The following CNR1 variants were observed in gnomAD, a reference collection of about 807,000 sequenced individuals.
CNR1 encodes cannabinoid receptor 1, also known as cannabinoid receptor 1 (brain).
CNR1 carries 10 observed loss-of-function variants against 23.0 expected under a neutral mutation model. The observed-to-expected ratio is 0.43, with a 90% CI of 0.27 to 0.74. The LOEUF (loss-of-function observed/expected upper bound fraction) is 0.74, where lower values mean the gene tolerates loss of function less well. Among genes scored for constraint, CNR1 ranks in the 30% least tolerant of loss-of-function variants. CNR1 has a pLI of 0.19. For synonymous variants in CNR1, 271 were observed against 255.2 expected (o/e 1.06, Z -0.59); for missense variants, 422 against 618.8 (o/e 0.68, Z 3.37).
At chr6:88,161,758 T>C (rs1212401779) in intron 1 of CNR1, among the ~76,000 whole-genome samples, 1 of 152,124 alleles carries the variant, frequency 6.6e-6, no homozygotes, top group Non-Finnish European at 1.5e-5. Context: ...CATCAAACAA[T>C]TTCAAAAGCA....
intron 1 of CNR1, among the ~76,000 whole-genome samples, chr6:88,156,302 C>T (rs1582362853): frequency 6.6e-6 from 1 of 152,110 alleles, no homozygotes; most frequent in South Asian, 2.1e-4. Flanking sequence ...CAGTCTGTGC[C>T]TAGGATTGTG....
chr6:88,152,967 C>T (rs1267143620), intron 1 of CNR1, among the ~76,000 whole-genome samples: 2 of 152,064 alleles, frequency 1.3e-5, no homozygotes, highest in Non-Finnish European at 2.9e-5. Context: ...GTTTTTATTA[C>T]AGTTATAGTA....
Position 88,166,028 on chromosome 6 carries a change from T to G in CNR1, c.-289A>C. The stretch of plus-strand genomic sequence containing the variant: ...GGAAGGGGTGGCAGAGGGAGTAGCG[T>G]GCGGGAGGCGGCGCCGGCGCCGGGC... On this transcript the variant is annotated 5_prime_UTR_variant, in exon 1 of 2. Transcript: ENST00000369501. 1 of 152,526 alleles carries G rather than the reference T, an allele frequency of 6.6e-6. No individual in the cohort carries two copies. The highest frequency in any genetic ancestry group is 1.5e-5 in the Non-Finnish European group (1 of 68,364). 9.4% of individuals were successfully genotyped at this position (152,526 alleles called of 1,614,324 possible). A position where few individuals can be genotyped will look rare whatever the true frequency, so the allele number is the denominator to read the frequency against.
In CNR1 at chr6:88,142,077, G is replaced by A. The variant is rs964196077; in HGVS notation, c.*1779C>T. On this transcript the variant is annotated 3_prime_UTR_variant, in exon 2 of 2. Coordinates refer to ENST00000369501, the MANE Select transcript of CNR1 (RefSeq NM_016083.6). ...CGGGGTGTAAGAAGAAAGCAGCTGT[G>A]TTTATCTTCATGCTTGAGTGTATCT... The A allele has an allele frequency of 1.3e-5, 2 of 152,360 alleles. No homozygotes were observed. Among genetic ancestry groups the A allele is most frequent in the Non-Finnish European group, 2.9e-5 (2 of 68,044 alleles). The allele number at this position is 152,360 out of a possible 1,614,324, so 9.4% of individuals were successfully genotyped here.
intron 1 of CNR1, among the ~76,000 whole-genome samples, chr6:88,154,661 C>T (rs1777704847): frequency 6.6e-6 from 1 of 152,100 alleles, no homozygotes; most frequent in African/African-American, 2.4e-5. Flanking sequence ...TCACTGCAAC[C>T]TCCACCTCCC....
intron 1 of CNR1, chr6:88,147,583 T>G (rs1777274659): frequency 6.6e-6 from 1 of 152,230 alleles, no homozygotes; most frequent in South Asian, 2.1e-4. Flanking sequence ...AAAAGTAATT[T>G]GGAACAGGCA....
chr6:88,165,807 C>T lies in CNR1; in HGVS notation c.-68G>A, dbSNP rs1001570230. ...CGCAACTCTGCCAGGTCTTACCCTT[C>T]GCATCCCCTGGTCCTCGGGACAGAA... is the stretch of plus-strand genomic sequence containing the variant. On this transcript the variant is annotated 5_prime_UTR_variant, in exon 1 of 2. Transcript: ENST00000369501. 1.3e-5 allele frequency: 2 copies of T among 152,472 alleles called. No individual in the cohort carries two copies. 9.4% of individuals were successfully genotyped at this position (152,472 alleles called of 1,614,324 possible).
intron 1 of CNR1, among the ~76,000 whole-genome samples, chr6:88,154,964 T>TA (rs1400555837): frequency 6.6e-6 from 1 of 152,202 alleles, no homozygotes; most frequent in Non-Finnish European, 1.5e-5. Context: ...ATATTCAAAA[T>TA]ACTCTATAAA....
chr6:88,158,459 G>A (rs1777918309), intron 1 of CNR1, among the ~76,000 whole-genome samples: 1 of 152,216 alleles, frequency 6.6e-6, no homozygotes, highest in Admixed American at 6.5e-5. Flanking sequence ...ACAATGGTTT[G>A]TAAGTGCATG....
chr6:88,155,701 C>G (rs1285714480), intron 1 of CNR1, among the ~76,000 whole-genome samples: 1 of 152,170 alleles, frequency 6.6e-6, no homozygotes, highest in Non-Finnish European at 1.5e-5. Context: ...CATCCTTGCT[C>G]CACGGTCTTC....
intron 1 of CNR1, chr6:88,162,828 T>G (rs1343959319): frequency 6.6e-6 from 1 of 152,350 alleles, no homozygotes; most frequent in Admixed American, 6.5e-5. Context: ...CAAACAATGT[T>G]GGGTCCACAT....
rs1234982032 is a variant in CNR1 at position 88,144,165 on chromosome 6, C to T, written c.1110G>A (p.Lys370=). 1 of 1,613,940 alleles carries T rather than the reference C, an allele frequency of 6.2e-7. No individual in the cohort carries two copies. Among genetic ancestry groups the T allele is most frequent in the Non-Finnish European group, 8.5e-7 (1 of 1,180,016 alleles). The part of the protein sequence containing the change: ...LAIMVYDVFG[K]MNKLIKTVFA... The stretch of plus-strand genomic sequence containing the variant: ...ACACCGTCTTAATGAGCTTGTTCAT[C>T]TTCCCAAAGACATCATACACCATGA... The change falls in exon 2 of 2, where the codon AAG becomes AAA. Residue 370 remains lysine (K), a synonymous_variant. Coordinates refer to ENST00000369501, the MANE Select transcript of CNR1 (RefSeq NM_016083.6). The surrounding 1 kb of genome is among the most constrained non-coding windows in gnomAD (Gnocchi z 7.8).
At chr6:88,154,297 T>C (rs1476101730) in intron 1 of CNR1, among the ~76,000 whole-genome samples, 2 of 152,210 alleles carry the variant, frequency 1.3e-5, no homozygotes, top group Non-Finnish European at 2.9e-5. Flanking sequence ...ATGTGAAATA[T>C]GCCAAAGATT....
Position 88,144,337 on chromosome 6 carries a change from G to T in CNR1, c.938C>A (p.Thr313Asn), listed in dbSNP as rs1777017293. ...CGTGTGGATGATGATGCTCTTCTGG[G>T]TGCCACGCTGAATCATGCGGACGGC... ...SHAVRMIQRG[T>N]QKSIIIHTSE... The change falls in exon 2 of 2, where the codon ACC becomes AAC. Residue 313 changes from threonine to asparagine, a missense_variant. Thr to Asn is a moderately conservative substitution (Grantham distance 65, BLOSUM62 0). Coordinates refer to ENST00000369501, the MANE Select transcript of CNR1 (RefSeq NM_016083.6). The surrounding 1 kb of genome is among the most constrained non-coding windows in gnomAD (Gnocchi z 7.8). 6.2e-7 allele frequency: 1 copy of T among 1,613,346 alleles called. No homozygotes were observed. The highest frequency in any genetic ancestry group is 1.7e-5 in the Admixed American group (1 of 59,996).
At position 88,154,264 on chromosome 6, in the gene CNR1, G is replaced by A. The variant is rs78051511; in HGVS notation, c.-63-8927C>T. ...GACATTGACTTATACGAGTGTAGTAGACTGTACTTCTGTTCAAATTTAATG... is the reference window on the plus strand; with the variant it reads ...GACATTGACTTATACGAGTGTAGTAAACTGTACTTCTGTTCAAATTTAATG... On this transcript the variant is annotated intron_variant, in intron 1 of 1. Transcript: ENST00000369501. 1.3e-3 allele frequency among the ~76,000 whole-genome samples: 195 copies of A among 152,260 alleles called. 1 individual carries two copies. The East Asian group carries it at 0.034, about 26-fold the overall frequency.
chr6:88,164,513 A>C (rs1778267244), intron 1 of CNR1, among the ~76,000 whole-genome samples: 1 of 152,238 alleles, frequency 6.6e-6, no homozygotes, highest in Non-Finnish European at 1.5e-5. Context: ...GTCTCACTTA[A>C]GAAACTATAA....
chr6:88,146,225 C>G (rs977843569), intron 1 of CNR1, among the ~76,000 whole-genome samples: 2 of 152,160 alleles, frequency 1.3e-5, no homozygotes, highest in South Asian at 2.1e-4. Context: ...CCTGCCTCAG[C>G]CTCTTGAGTA....
chr6:88,155,431 CAGAG>C (rs1367484829), intron 1 of CNR1, among the ~76,000 whole-genome samples: 2 of 152,162 alleles, frequency 1.3e-5, no homozygotes, highest in Non-Finnish European at 2.9e-5. Flanking sequence ...TCCACACACT[CAGAG>C]AGAAAAATCC....
chr6:88,167,020 C>CGCGCCAGGCGCCTTCTCCA (rs1371970508), upstream of CNR1, among the ~76,000 whole-genome samples: 4 of 151,204 alleles, frequency 2.6e-5, no homozygotes, highest in African/African-American at 9.7e-5. Flanking sequence ...CGCCCAGCTT[C>CGCGCCAGGCGCCTTCTCCA]GCGCCAGGCG....
Sources: gnomAD v4.1 joint callset for allele counts (sites outside exome capture counted in the v4.1 genomes callset) on GRCh38, gnomAD v4.1.1 for gene constraint, Gnocchi (gnomAD v3.1) non-coding constraint, MANE v1.5 for transcripts, NCBI Gene and HGNC (gene_info 2026-07-23, HGNC 2026-07-21) for gene names.